Variants in DYNC1I2 observed in about 807,000 individuals in gnomAD.
DYNC1I2 encodes the protein dynein cytoplasmic 1 intermediate chain 2.
In DYNC1I2, 53 loss-of-function variants were observed where a neutral mutation model predicts 88.6. The ratio of observed to expected loss-of-function variants is 0.60; its 90% CI spans 0.48 to 0.75. DYNC1I2 has a LOEUF of 0.75. DYNC1I2 is among the 30% of genes least tolerant of loss of function. DYNC1I2 has a pLI of 0.00. For missense variants in DYNC1I2, 458 were observed against 766.6 expected (o/e 0.60, Z 4.75); for synonymous variants, 198 against 254.6 (o/e 0.78, Z 2.12).
rs1689983450 is a variant in DYNC1I2 at position 171,749,545 on chromosome 2, C to T, written c.*1656C>T. On this transcript the variant is annotated 3_prime_UTR_variant, in exon 18 of 18. Transcript: ENST00000397119. ...CTCACTACTCATGTAGTTACTGTAT[C>T]TTTACCTTCAGTTTGTAAAAATGAC... 6.6e-6 allele frequency among the ~76,000 whole-genome samples: 1 copy of T among 152,034 alleles called. No homozygotes were observed. Among genetic ancestry groups the T allele is most frequent in the African/African-American group, 2.4e-5 (1 of 41,424 alleles).
intron 5 of DYNC1I2, among the ~76,000 whole-genome samples, chr2:171,708,779 G>A (rs1686878345): frequency 1.3e-5 from 2 of 151,908 alleles, no homozygotes; most frequent in African/African-American, 4.8e-5. Context: ...TGCAACCTCT[G>A]CCTCCTGGGC....
chr2:171,736,778 G>C (rs1057379183), intron 15 of DYNC1I2, among the ~76,000 whole-genome samples: 15 of 152,060 alleles, frequency 9.9e-5, no homozygotes, highest in African/African-American at 3.1e-4. Context: ...TTCTGACCTT[G>C]GAATCCATTT....
chr2:171,704,865 C>T (rs760975433), intron 3 of DYNC1I2, among the ~76,000 whole-genome samples: 16 of 152,102 alleles, frequency 1.1e-4, no homozygotes, highest in South Asian at 4.2e-4. Context: ...CTATCATTCC[C>T]CTTTTTAAAA....
intron 3 of DYNC1I2, among the ~76,000 whole-genome samples, chr2:171,700,160 G>A (rs1242572543): frequency 6.6e-6 from 1 of 152,122 alleles, no homozygotes; most frequent in Admixed American, 6.5e-5. Context: ...TCGTTCACAT[G>A]GCTGGCAAGT....
intron 7 of DYNC1I2, among the ~76,000 whole-genome samples, chr2:171,716,641 G>A (rs999274534): frequency 4.6e-5 from 7 of 152,046 alleles, no homozygotes; most frequent in African/African-American, 1.2e-4. Flanking sequence ...GGACGTGGTG[G>A]CTCACACCCG....
At chr2:171,724,731 CAAAT>C (rs1457821762) in intron 7 of DYNC1I2, among the ~76,000 whole-genome samples, 2 of 152,158 alleles carry the variant, frequency 1.3e-5, no homozygotes, top group Non-Finnish European at 2.9e-5. Context: ...CCCTTATAGA[CAAAT>C]AACGCATGTG....
intron 3 of DYNC1I2, among the ~76,000 whole-genome samples, chr2:171,699,755 G>A (rs1686093232): frequency 6.6e-6 from 1 of 151,872 alleles, no homozygotes; most frequent in Admixed American, 6.6e-5. Context: ...TCCTGCCTCA[G>A]CCTCCTAAGT....
chr2:171,689,543 C>T (rs1026205192), intron 1 of DYNC1I2, among the ~76,000 whole-genome samples: 50 of 152,144 alleles, frequency 3.3e-4, no homozygotes, highest in African/African-American at 1.0e-3. Flanking sequence ...TCTTGGGTAC[C>T]TAATATATTG....
chr2:171,708,065 T>G (rs2674483), intron 5 of DYNC1I2, among the ~76,000 whole-genome samples: 1 of 148,718 alleles, frequency 6.7e-6, no homozygotes, highest in South Asian at 2.1e-4. Context: ...TCTTTGTCTC[T>G]CTCACACACA....
chr2:171,694,044 T>G (rs1380309061), intron 3 of DYNC1I2, among the ~76,000 whole-genome samples: 1 of 148,264 alleles, frequency 6.7e-6, no homozygotes, highest in East Asian at 2.0e-4. Context: ...TCTTTCTTCT[T>G]TTTTTTTTTT....
intron 15 of DYNC1I2, among the ~76,000 whole-genome samples, chr2:171,739,429 C>T (rs183208492): frequency 1.4e-4 from 21 of 152,138 alleles, no homozygotes; most frequent in African/African-American, 5.1e-4. Flanking sequence ...CCATAGTTAA[C>T]ACATGACCAA....
At chr2:171,697,815 C>A (rs1002611352) in intron 3 of DYNC1I2, among the ~76,000 whole-genome samples, 1 of 152,022 alleles carries the variant, frequency 6.6e-6, no homozygotes, top group African/African-American at 2.4e-5. Context: ...GATCGCACTA[C>A]TGAACTCTAG....
chr2:171,728,901 A>G (rs1688421715), intron 14 of DYNC1I2, 51 bp downstream of exon 14: 1 of 1,518,792 alleles, frequency 6.6e-7, no homozygotes. Flanking sequence ...CTTTAATCCC[A>G]TTGAAACAAA....
intron 5 of DYNC1I2, among the ~76,000 whole-genome samples, chr2:171,708,673 T>A (rs1686869148): frequency 6.6e-6 from 1 of 152,178 alleles, no homozygotes; most frequent in African/African-American, 2.4e-5. Flanking sequence ...TCTATATTTT[T>A]ATACAAATAT....
intron 4 of DYNC1I2, chr2:171,706,785 T>TTTAA (rs1686714194): frequency 2.2e-6 from 1 of 463,796 alleles, no homozygotes; most frequent in Non-Finnish European, 3.8e-6. Flanking sequence ...TTTTAAACAT[T>TTTAA]ACTTTTTGAA....
At chr2:171,731,228 G>T (rs989332774) in intron 15 of DYNC1I2, among the ~76,000 whole-genome samples, 1 of 152,100 alleles carries the variant, frequency 6.6e-6, no homozygotes, top group Non-Finnish European at 1.5e-5. Context: ...AGTGGGAAAA[G>T]GTAGAAGAAG....
At chr2:171,688,085 G>A (rs1322671037) in intron 1 of DYNC1I2, 1 of 152,296 alleles carries the variant, frequency 6.6e-6, no homozygotes, top group Non-Finnish European at 1.5e-5. Flanking sequence ...GGGGAGCCTT[G>A]AGGCTTGTCC....
intron 3 of DYNC1I2, among the ~76,000 whole-genome samples, chr2:171,694,848 G>A (rs954279686): frequency 1.3e-5 from 2 of 152,074 alleles, no homozygotes; most frequent in African/African-American, 2.4e-5. Flanking sequence ...AAACAAAACC[G>A]TGAGGGATCC....
At chr2:171,690,063 GC>G in intron 1 of DYNC1I2, 83 bp from the exon 2 acceptor site, 1 of 788,940 alleles carries the variant, frequency 1.3e-6, no homozygotes, top group Non-Finnish European at 2.0e-6. Flanking sequence ...GAACTATATG[GC>G]CTTTCGGGAC....
Sources: gnomAD v4.1 joint callset for allele counts (sites outside exome capture counted in the v4.1 genomes callset) on GRCh38, gnomAD v4.1.1 for gene constraint, MANE v1.5 for transcripts, NCBI Gene and HGNC (gene_info 2026-07-23, HGNC 2026-07-21) for gene names.